DPP10: variants seen among roughly 807,000 people sequenced by gnomAD.
DPP10 encodes the protein dipeptidyl peptidase like 10.
In DPP10, 33 loss-of-function variants were observed where a neutral mutation model predicts 120.9. That is an observed-to-expected ratio of 0.27 (90% confidence interval 0.21 to 0.37). The LOEUF is 0.37. Ranked by LOEUF, DPP10 falls within the 10% of genes least tolerant of loss-of-function variation. DPP10 has a pLI of 1.00. For synonymous variants in DPP10, 337 were observed against 326.1 expected, an observed-to-expected ratio of 1.03 and a Z score of -0.36; for missense variants, 816 against 942.8, an observed-to-expected ratio of 0.87 and a Z score of 1.76.
intron 1 of DPP10, among the ~76,000 whole-genome samples, chr2:114,737,603 C>G (rs1302941008): frequency 6.6e-6 from 1 of 152,168 alleles, no homozygotes; most frequent in African/African-American, 2.4e-5. Context: ...ATCCAGAGAT[C>G]AGTGTGCTCT....
intron 1 of DPP10, among the ~76,000 whole-genome samples, chr2:114,566,638 T>G (rs371908999): frequency 6.6e-6 from 1 of 152,226 alleles, no homozygotes; most frequent in African/African-American, 2.4e-5. Context: ...TCTGATTGAA[T>G]GCTATTTCCG....
At chr2:114,884,644 T>C (rs1574414281) in intron 1 of DPP10, among the ~76,000 whole-genome samples, 1 of 152,290 alleles carries the variant, frequency 6.6e-6, no homozygotes, top group East Asian at 1.9e-4. Flanking sequence ...TCTGAGATTT[T>C]GGTGCACCTG....
intron 1 of DPP10, among the ~76,000 whole-genome samples, chr2:114,477,696 AGTAT>A (rs941586901): frequency 2.4e-5 from 3 of 125,948 alleles, no homozygotes; most frequent in Admixed American, 8.9e-5. Context: ...GAGGCAGTAG[AGTAT>A]GTGTGTGTGT....
At chr2:114,465,884 A>G (rs1260348080) in intron 1 of DPP10, among the ~76,000 whole-genome samples, 2 of 152,208 alleles carry the variant, frequency 1.3e-5, no homozygotes, top group Non-Finnish European at 1.5e-5. Context: ...TTGAAAACAT[A>G]CAAGAAATGT....
intron 1 of DPP10, among the ~76,000 whole-genome samples, chr2:114,538,523 C>G (rs1686696791): frequency 6.6e-6 from 1 of 152,160 alleles, no homozygotes; most frequent in Non-Finnish European, 1.5e-5. Flanking sequence ...TTCTTAGAAT[C>G]TCCTTTGTGC....
chr2:114,975,677 G>A (rs774803210), intron 1 of DPP10, among the ~76,000 whole-genome samples: 8 of 152,060 alleles, frequency 5.3e-5, no homozygotes, highest in Non-Finnish European at 1.2e-4. Context: ...TTGTGATGGA[G>A]TCTCACTCTG....
At chr2:115,244,838 T>C (rs1002823208) in intron 1 of DPP10, among the ~76,000 whole-genome samples, 9 of 141,438 alleles carry the variant, frequency 6.4e-5, no homozygotes, top group South Asian at 2.4e-4. Context: ...TATGCACATA[T>C]ATATATACAT....
rs539652792 is a variant in DPP10, at chr2:115,330,549, A to C, written c.176-13268A>C. On this transcript the variant is annotated intron_variant, in intron 2 of 25. Transcript: ENST00000410059. ...AATGGTATTGCCTAGGTTTTCTTCT[A>C]GGGTTTTTATGGTTTTAACTCTAAC... Among the ~76,000 whole-genome samples the C allele has an allele frequency of 7.4e-4, 113 of 152,124 alleles. 1 individual carries two copies. The Middle Eastern group carries it at 0.017, about 23-fold the overall frequency.
intron 3 of DPP10, among the ~76,000 whole-genome samples, chr2:115,431,329 G>A (rs1484298935): frequency 2.6e-5 from 4 of 152,130 alleles, no homozygotes; most frequent in African/African-American, 9.7e-5. Flanking sequence ...AGGAGTAGAC[G>A]ACGAAGTGAA....
At chr2:114,979,966 G>A (rs751915420) in intron 1 of DPP10, among the ~76,000 whole-genome samples, 12 of 152,120 alleles carry the variant, frequency 7.9e-5, no homozygotes, top group South Asian at 2.1e-4. Flanking sequence ...TTTTGCAATC[G>A]TGTATATTCT....
intron 3 of DPP10, among the ~76,000 whole-genome samples, chr2:115,451,017 A>G (rs887716644): frequency 1.3e-5 from 2 of 151,922 alleles, no homozygotes; most frequent in African/African-American, 4.8e-5. Context: ...AGGCTCATAG[A>G]TTGTAATTTG....
intron 1 of DPP10, among the ~76,000 whole-genome samples, chr2:114,980,927 T>C (rs1482121923): frequency 6.6e-6 from 1 of 152,122 alleles, no homozygotes; most frequent in Non-Finnish European, 1.5e-5. Flanking sequence ...ATAGTATACC[T>C]ATTCTTTTAT....
At chr2:114,682,476 C>G (rs1235471050) in intron 1 of DPP10, among the ~76,000 whole-genome samples, 4 of 151,772 alleles carry the variant, frequency 2.6e-5, no homozygotes, top group Admixed American at 6.6e-5. Context: ...TCACTGACAA[C>G]TAATGAACTG....
chr2:114,963,613 G>A (rs574562159), intron 1 of DPP10, among the ~76,000 whole-genome samples: 16 of 152,230 alleles, frequency 1.1e-4, no homozygotes, highest in Non-Finnish European at 1.6e-4. Flanking sequence ...AATTATTACC[G>A]TTTCTAGTGC....
intron 8 of DPP10, among the ~76,000 whole-genome samples, chr2:115,736,212 GA>G (rs1448255208): frequency 2.0e-5 from 3 of 152,092 alleles, no homozygotes; most frequent in African/African-American, 7.2e-5. Flanking sequence ...TTATTGCTGT[GA>G]TAATAAAAGA....
At chr2:114,962,555 A>G (rs1173764463) in intron 1 of DPP10, among the ~76,000 whole-genome samples, 1 of 152,204 alleles carries the variant, frequency 6.6e-6, no homozygotes, top group Non-Finnish European at 1.5e-5. Flanking sequence ...AATACTCAAT[A>G]AATATTATTG....
At chr2:114,468,261 G>A (rs1230429849) in intron 1 of DPP10, among the ~76,000 whole-genome samples, 1 of 152,002 alleles carries the variant, frequency 6.6e-6, no homozygotes, top group African/African-American at 2.4e-5. Context: ...TTGAGGGAGT[G>A]AGATGTCAAA....
chr2:114,959,988 G>A (rs985200157), intron 1 of DPP10, among the ~76,000 whole-genome samples: 1 of 151,930 alleles, frequency 6.6e-6, no homozygotes, highest in African/African-American at 2.4e-5. Flanking sequence ...TTAAACCTGT[G>A]GTCATCATTC....
At chr2:115,354,705 C>A (rs1326284719) in intron 3 of DPP10, among the ~76,000 whole-genome samples, 1 of 151,966 alleles carries the variant, frequency 6.6e-6, no homozygotes. Flanking sequence ...CCCCTCGCCC[C>A]CCACCCAACA....
Sources: allele counts gnomAD v4.1 joint callset (sites outside exome capture counted in the v4.1 genomes callset), GRCh38; gene constraint gnomAD v4.1.1; transcripts MANE v1.5; gene names NCBI Gene and HGNC (gene_info 2026-07-23, HGNC 2026-07-21).